The following TBC1D32 variants were observed in gnomAD, a reference collection of about 807,000 sequenced individuals.
TBC1D32 encodes protein broad-minded.
Under a neutral mutation model 170.3 loss-of-function variants are expected in TBC1D32, and 151 were observed. The observed-to-expected ratio is 0.89, with a 90% CI of 0.78 to 1.01. TBC1D32 has a LOEUF of 1.01. TBC1D32 is among the 50% of genes least tolerant of loss of function. TBC1D32 has a pLI of 0.00. For synonymous variants in TBC1D32, 498 were observed against 488.0 expected (o/e 1.02, Z -0.27); for missense variants, 1,464 against 1,457.1 (o/e 1.00, Z -0.08).
chr6:121,324,286 T>C (rs1274600078), intron 1 of TBC1D32, among the ~76,000 whole-genome samples: 1 of 152,146 alleles, frequency 6.6e-6, no homozygotes, highest in East Asian at 1.9e-4. Flanking sequence ...GCAACAAAAA[T>C]TACATTTTAT....
intron 30 of TBC1D32, among the ~76,000 whole-genome samples, chr6:121,094,334 T>C (rs986358469): frequency 4.6e-5 from 7 of 151,940 alleles, no homozygotes; most frequent in African/African-American, 1.7e-4. Context: ...CCCCAGCTAA[T>C]TTTTGTACTT....
intron 21 of TBC1D32, among the ~76,000 whole-genome samples, chr6:121,209,140 T>TA (rs10605770): frequency 5.1e-4 from 76 of 149,454 alleles, no homozygotes; most frequent in Middle Eastern, 3.5e-3. Context: ...CAGCTCTTCT[T>TA]AAAAAAAAAA....
At chr6:121,198,342 C>A (rs1255293312) in intron 22 of TBC1D32, among the ~76,000 whole-genome samples, 2 of 148,174 alleles carry the variant, frequency 1.3e-5, no homozygotes, top group African/African-American at 2.6e-5. Flanking sequence ...CTGACTAATA[C>A]AGGGCATATT....
intron 22 of TBC1D32, among the ~76,000 whole-genome samples, chr6:121,185,700 C>T (rs1789114511): frequency 6.6e-6 from 1 of 152,074 alleles, no homozygotes; most frequent in Non-Finnish European, 1.5e-5. Context: ...TCCTTGGCTA[C>T]TATGCTTTTC....
At chr6:121,319,212 G>A (rs976662158) in intron 2 of TBC1D32, among the ~76,000 whole-genome samples, 1 of 151,980 alleles carries the variant, frequency 6.6e-6, no homozygotes, top group African/African-American at 2.4e-5. Flanking sequence ...CCGCTAGGGG[G>A]AGAAACATAC....
At chr6:121,114,099 G>T (rs1779461686) in intron 27 of TBC1D32, among the ~76,000 whole-genome samples, 1 of 152,088 alleles carries the variant, frequency 6.6e-6, no homozygotes, top group Non-Finnish European at 1.5e-5. Flanking sequence ...ACCTGAACCT[G>T]GGAGGCAGAG....
At chr6:121,224,573 T>C (rs1035436823) in intron 20 of TBC1D32, 2 of 152,096 alleles carry the variant, frequency 1.3e-5, no homozygotes, top group African/African-American at 2.4e-5. Context: ...ACTCAGAAAG[T>C]TGGTAGCAAA....
chr6:121,212,845 A>C (rs189895454), intron 21 of TBC1D32, among the ~76,000 whole-genome samples: 2 of 152,276 alleles, frequency 1.3e-5, no homozygotes, highest in Admixed American at 6.5e-5. Flanking sequence ...CAAAAAACTA[A>C]TCCACCACCA....
At chr6:121,180,741 C>G (rs944903158) in intron 22 of TBC1D32, among the ~76,000 whole-genome samples, 5 of 152,024 alleles carry the variant, frequency 3.3e-5, no homozygotes, top group African/African-American at 1.2e-4. Flanking sequence ...GAGATTACAT[C>G]AAGCTAAAAA....
At chr6:121,219,004 A>G (rs929200093) in intron 21 of TBC1D32, among the ~76,000 whole-genome samples, 2 of 152,172 alleles carry the variant, frequency 1.3e-5, no homozygotes, top group Non-Finnish European at 2.9e-5. Flanking sequence ...AGTCTCAAGT[A>G]TGTCTTTATT....
At chr6:121,127,040 G>C (rs2128213142) in intron 25 of TBC1D32, among the ~76,000 whole-genome samples, 1 of 152,172 alleles carries the variant, frequency 6.6e-6, no homozygotes, top group Middle Eastern at 3.4e-3. Flanking sequence ...GATATAAACA[G>C]GTACAATATA....
At chr6:121,136,542 C>T (rs1360115494) in intron 24 of TBC1D32, among the ~76,000 whole-genome samples, 1 of 152,004 alleles carries the variant, frequency 6.6e-6, no homozygotes, top group Non-Finnish European at 1.5e-5. Context: ...AGGAAAATCC[C>T]CCCCTGGCAA....
intron 15 of TBC1D32, among the ~76,000 whole-genome samples, chr6:121,272,396 C>T (rs1394355759): frequency 2.0e-5 from 3 of 151,486 alleles, no homozygotes; most frequent in Non-Finnish European, 4.4e-5. Context: ...ACAAAGAACT[C>T]AAACAAATTT....
chr6:121,334,570 T>G (rs1313813346), upstream of TBC1D32: 51 of 1,008,806 alleles, frequency 5.1e-5, no homozygotes, highest in Non-Finnish European at 7.3e-5. Flanking sequence ...CGCCTGTGCC[T>G]GCGCCCTCAG....
At chr6:121,179,680 CATT>C (rs1261004320) in intron 22 of TBC1D32, among the ~76,000 whole-genome samples, 3 of 152,102 alleles carry the variant, frequency 2.0e-5, no homozygotes, top group African/African-American at 4.8e-5. Context: ...TTTAAATAAA[CATT>C]ATGTAACAAT....
intron 20 of TBC1D32, among the ~76,000 whole-genome samples, chr6:121,234,291 A>G (rs576352536): frequency 6.6e-6 from 1 of 152,110 alleles, no homozygotes; most frequent in Non-Finnish European, 1.5e-5. Flanking sequence ...TTCCTTTATT[A>G]TTACCTCAAA....
At position 121,292,103 on chromosome 6, in the gene TBC1D32, A is replaced by G. The variant is rs780383132; in HGVS notation, c.1322T>C (p.Ile441Thr). 3.7e-6 allele frequency: 6 copies of G among 1,602,076 alleles called. No homozygotes were observed. In the Admixed American group the frequency reaches 8.5e-5, roughly 23 times the overall value. The change falls in exon 12 of 32, where the codon ATC (isoleucine) becomes ACC (threonine). Residue 441 changes from isoleucine to threonine, a missense_variant. By Grantham distance (89) the Ile-to-Thr change is moderately conservative. This residue lies in a region of TBC1D32 where 1,363 missense variants were observed against 1,338.1 expected (regional missense o/e 1.02). Coordinates refer to ENST00000398212, the MANE Select transcript of TBC1D32 (RefSeq NM_152730.6). ...AAATAGTTTTCTGCCTTGTTTATAGATCAATAATCTTCCTAAAAGGCACAG... is the reference window on the plus strand; with the variant it reads ...AAATAGTTTTCTGCCTTGTTTATAGGTCAATAATCTTCCTAAAAGGCACAG... ...HSLCLLGRLLIYKQGRKLFPI... is the reference protein window; with the variant it reads ...HSLCLLGRLLTYKQGRKLFPI...
chr6:121,117,152 A>G (rs1291320229), intron 26 of TBC1D32, among the ~76,000 whole-genome samples: 2 of 152,220 alleles, frequency 1.3e-5, no homozygotes, highest in Non-Finnish European at 2.9e-5. Flanking sequence ...ACAATTGGAC[A>G]GTTATACAAC....
chr6:121,306,237 G>A (rs1213611023), intron 5 of TBC1D32, among the ~76,000 whole-genome samples: 2 of 152,148 alleles, frequency 1.3e-5, no homozygotes, highest in East Asian at 1.9e-4. Context: ...TTCCCTTTAT[G>A]AGAATTACAA....
Sources: gnomAD v4.1 joint callset for allele counts (sites outside exome capture counted in the v4.1 genomes callset) on GRCh38, gnomAD v4.1.1 for gene constraint, gnomAD v4.1.1 regional missense constraint, MANE v1.5 for transcripts, NCBI Gene and HGNC (gene_info 2026-07-23, HGNC 2026-07-21) for gene names.